Variants in DLG2 observed in about 807,000 individuals in gnomAD.
DLG2 encodes disks large homolog 2.
A neutral mutation model predicts 132.5 loss-of-function variants in DLG2; 45 were observed. The observed-to-expected ratio is 0.34, with a 90% CI of 0.27 to 0.44. The LOEUF (loss-of-function observed/expected upper bound fraction) is 0.44, where lower values mean the gene tolerates loss of function less well. DLG2 is among the 20% of genes least tolerant of loss of function. The pLI, the probability that DLG2 is intolerant of heterozygous loss-of-function variation, is 1.00. For missense variants in DLG2, 1,045 were observed against 1,196.9 expected, an observed-to-expected ratio of 0.87 and a Z score of 1.87; for synonymous variants, 424 against 419.6, an observed-to-expected ratio of 1.01 and a Z score of -0.13.
intron 19 of DLG2, among the ~76,000 whole-genome samples, chr11:83,554,244 T>A (rs538742701): frequency 6.6e-6 from 1 of 152,192 alleles, no homozygotes; most frequent in Admixed American, 6.5e-5. Flanking sequence ...ATGCACCTAG[T>A]GTAAGTCATC....
At chr11:84,991,548 A>G (rs1290226836) in intron 6 of DLG2, among the ~76,000 whole-genome samples, 1 of 151,686 alleles carries the variant, frequency 6.6e-6, no homozygotes, top group Non-Finnish European at 1.5e-5. Context: ...AGGAAGAAAG[A>G]AAAATAAAGA....
chr11:83,651,425 G>A (rs898177420), intron 18 of DLG2, among the ~76,000 whole-genome samples: 1 of 152,192 alleles, frequency 6.6e-6, no homozygotes, highest in Non-Finnish European at 1.5e-5. Flanking sequence ...GGGTGAAACT[G>A]TCCATTCTTC....
chr11:84,767,410 A>G (rs2153881369), intron 6 of DLG2, among the ~76,000 whole-genome samples: 1 of 152,122 alleles, frequency 6.6e-6, no homozygotes, highest in African/African-American at 2.4e-5. Flanking sequence ...TACCTAACAT[A>G]TTTGAACCTC....
chr11:84,353,317 C>A (rs1460882629), intron 7 of DLG2, among the ~76,000 whole-genome samples: 2 of 152,164 alleles, frequency 1.3e-5, no homozygotes, highest in Non-Finnish European at 2.9e-5. Context: ...CCAAACTGAA[C>A]TCGCCTTCTT....
chr11:85,021,738 G>T (rs1432622281), intron 6 of DLG2: 2 of 678,270 alleles, frequency 2.9e-6, no homozygotes, highest in East Asian at 3.0e-5. Flanking sequence ...AGGGAGAAGA[G>T]ATTCGATTCT....
At chr11:84,942,703 A>G (rs1279441378) in intron 6 of DLG2, among the ~76,000 whole-genome samples, 2 of 152,152 alleles carry the variant, frequency 1.3e-5, no homozygotes, top group Non-Finnish European at 2.9e-5. Flanking sequence ...TCTGCAGCCA[A>G]TGGGGGAACT....
At chr11:83,676,626 A>G (rs1425890268) in intron 18 of DLG2, among the ~76,000 whole-genome samples, 1 of 152,232 alleles carries the variant, frequency 6.6e-6, no homozygotes, top group Non-Finnish European at 1.5e-5. Context: ...GTGAGACAGG[A>G]ATTGCTATGT....
intron 3 of DLG2, among the ~76,000 whole-genome samples, chr11:85,408,858 C>CGT (rs1565449199): frequency 6.6e-6 from 1 of 151,576 alleles, no homozygotes; most frequent in African/African-American, 2.4e-5. Flanking sequence ...AATAAACATA[C>CGT]GTGTGCATGT....
chr11:84,044,366 T>C lies in DLG2; in HGVS notation c.919+14949A>G, dbSNP rs376857330. On this transcript the variant is annotated intron_variant, in intron 11 of 27. Coordinates refer to ENST00000376104, the MANE Select transcript of DLG2 (RefSeq NM_001142699.3). The stretch of plus-strand genomic sequence containing the variant: ...TTCATCCTGCTCATGATTGGGCAGC[T>C]CAATTGGACATTCTATTTGCTCTGA... 1.7e-4 allele frequency among the ~76,000 whole-genome samples: 26 copies of C among 151,912 alleles called. No individual in the cohort carries two copies. The South Asian group carries it at 5.4e-3, about 31-fold the overall frequency.
intron 11 of DLG2, among the ~76,000 whole-genome samples, chr11:84,005,428 A>T (rs1170860468): frequency 2.6e-5 from 4 of 152,020 alleles, no homozygotes. Flanking sequence ...ACTTCATGAC[A>T]CTAATCTAGG....
intron 4 of DLG2, among the ~76,000 whole-genome samples, chr11:85,281,649 T>C (rs1414323576): frequency 6.6e-6 from 1 of 151,896 alleles, no homozygotes; most frequent in Non-Finnish European, 1.5e-5. Flanking sequence ...CCCTTATCTG[T>C]CCTCCTCTTT....
At chr11:83,712,773 G>A (rs1159801085) in intron 18 of DLG2, among the ~76,000 whole-genome samples, 1 of 152,034 alleles carries the variant, frequency 6.6e-6, no homozygotes, top group Non-Finnish European at 1.5e-5. Context: ...AGAATACATG[G>A]ACACACAGTG....
intron 8 of DLG2, among the ~76,000 whole-genome samples, chr11:84,218,111 T>C (rs2096860452): frequency 1.3e-5 from 2 of 151,814 alleles, no homozygotes; most frequent in Non-Finnish European, 2.9e-5. Flanking sequence ...GAAATTGCGG[T>C]GAGCTGAGAT....
intron 19 of DLG2, among the ~76,000 whole-genome samples, chr11:83,582,250 C>T (rs371698711): frequency 3.3e-5 from 5 of 152,238 alleles, no homozygotes; most frequent in South Asian, 2.1e-4. Context: ...GCCACCTCCC[C>T]GGCTGACTTT....
chr11:85,016,782 G>C (rs1226604306), intron 6 of DLG2, among the ~76,000 whole-genome samples: 1 of 152,080 alleles, frequency 6.6e-6, no homozygotes, highest in East Asian at 1.9e-4. Flanking sequence ...AGGTTAGATA[G>C]CCCTCAGTCT....
At chr11:85,069,733 A>G (rs1010282198) in intron 6 of DLG2, among the ~76,000 whole-genome samples, 6 of 152,156 alleles carry the variant, frequency 3.9e-5, no homozygotes, top group African/African-American at 1.4e-4. Context: ...ACCATTGTGG[A>G]AGTCAGTGTG....
chr11:83,770,956 TAGA>T lies in DLG2; in HGVS notation c.1825+15731_1825+15733del, dbSNP rs539144643. On this transcript the variant is annotated intron_variant, in intron 18 of 27. Coordinates refer to ENST00000376104, the MANE Select transcript of DLG2 (RefSeq NM_001142699.3). ...TAAAAACGTTTTCTCTTGAATCTAT[TAGA>T]AGGAGGGAAAAATGCATTCCTAATG... Among the ~76,000 whole-genome samples, 316 of 152,318 alleles carry T rather than the reference TAGA, an allele frequency of 2.1e-3. 1 individual carries two copies. Among genetic ancestry groups the T allele is most frequent in the Middle Eastern group, 3.4e-3 (1 of 294 alleles).
At chr11:85,092,706 G>C (rs558613307) in intron 6 of DLG2, among the ~76,000 whole-genome samples, 5 of 149,278 alleles carry the variant, frequency 3.3e-5, no homozygotes, top group Admixed American at 6.8e-5. Flanking sequence ...GCAGTGACAC[G>C]ATCTCGGCTC....
rs551303271 is a variant in DLG2 at position 84,996,807 on chromosome 11, A to G, written c.357+114854T>C. Reference sequence around the variant, plus strand: ...GAGCACATTTCCAAAAAATGAGATTACCAGTGAAATCTAATTAGGAAGAAA... The same window carrying G: ...GAGCACATTTCCAAAAAATGAGATTGCCAGTGAAATCTAATTAGGAAGAAA... On this transcript the variant is annotated intron_variant, in intron 6 of 27. Transcript: ENST00000376104. Among the ~76,000 whole-genome samples the G allele has an allele frequency of 8.5e-5, 13 of 152,310 alleles. No homozygotes were observed. In the East Asian group the frequency reaches 2.5e-3, roughly 29 times the overall value.
Sources: gnomAD v4.1 joint callset for allele counts (sites outside exome capture counted in the v4.1 genomes callset) on GRCh38, gnomAD v4.1.1 for gene constraint, MANE v1.5 for transcripts, NCBI Gene and HGNC (gene_info 2026-07-23, HGNC 2026-07-21) for gene names.